The following ACSL4 variants were observed in gnomAD, a reference collection of about 807,000 sequenced individuals.
ACSL4 encodes acyl-CoA synthetase long chain family member 4, also known as long-chain-fatty-acid--CoA ligase 4.
A neutral mutation model predicts 49.1 loss-of-function variants in ACSL4; 9 were observed. The ratio of observed to expected loss-of-function variants is 0.18; its 90% confidence interval spans 0.11 to 0.32. ACSL4 has a LOEUF of 0.32. Among genes scored for constraint, ACSL4 ranks in the 10% least tolerant of loss-of-function variants. The probability of loss-of-function intolerance (pLI) is 1.00; values close to 1 mark genes in which losing one functional copy is unlikely to be tolerated. For missense variants in ACSL4, 333 were observed against 493.7 expected (o/e 0.67, Z 3.08); for synonymous variants, 191 against 170.3 (o/e 1.12, Z -0.95).
intron 15 of ACSL4, among the ~76,000 whole-genome samples, chrX:109,644,649 A>G (rs1416450117): frequency 4.5e-5 from 5 of 111,983 alleles, no homozygotes. Context: ...ATCCCTGACC[A>G]CTCATAACAA....
intron 8 of ACSL4, among the ~76,000 whole-genome samples, chrX:109,676,890 G>A (rs1041501056): frequency 2.7e-5 from 3 of 111,918 alleles, no homozygotes; most frequent in Non-Finnish European, 5.6e-5. Context: ...TATGGTAGCC[G>A]TTGGTCACAC....
intron 1 of ACSL4, among the ~76,000 whole-genome samples, chrX:109,722,371 CCA>C (rs759588040): frequency 1.9e-3 from 208 of 111,800 alleles, no homozygotes; most frequent in African/African-American, 6.4e-3. Context: ...GGTTATGTTG[CCA>C]CAGATACCTA....
chrX:109,685,004 G>A (rs763939616), intron 2 of ACSL4, among the ~76,000 whole-genome samples: 1 of 110,843 alleles, frequency 9.0e-6, no homozygotes, highest in African/African-American at 3.3e-5. Flanking sequence ...GTGGAAAGCT[G>A]GGGGCTGCTG....
intron 15 of ACSL4, among the ~76,000 whole-genome samples, chrX:109,645,022 C>T (rs774085979): frequency 9.7e-5 from 11 of 112,934 alleles, no homozygotes; most frequent in East Asian, 2.8e-4. Context: ...GAGGGTCCTA[C>T]GCCCACGGAG....
At chrX:109,705,009 A>T (rs1364622453) in intron 1 of ACSL4, among the ~76,000 whole-genome samples, 3 of 111,235 alleles carry the variant, frequency 2.7e-5, no homozygotes, top group Non-Finnish European at 3.8e-5. Flanking sequence ...GAAGTGATGG[A>T]TGGGTTTATG....
In ACSL4 at chrX:109,671,945, C is replaced by CCTCTGCCTA. The variant is rs773378690; in HGVS notation, c.1002+2456_1002+2457insTAGGCAGAG. On this transcript the variant is annotated intron_variant, in intron 9 of 15. Coordinates refer to ENST00000672401, the MANE Select transcript of ACSL4 (RefSeq NM_001318510.2). ...CCAGGGACACAAACACTGCGGAAGG[C>CCTCTGCCTA]GGCAGGGCCCTCTGCCTAGGAAAAC... Among the ~76,000 whole-genome samples, 43 of 109,445 alleles carry CCTCTGCCTA rather than the reference C, an allele frequency of 3.9e-4. 1 individual carries two copies. Among genetic ancestry groups the CCTCTGCCTA allele is most frequent in the Admixed American group, 3.7e-3 (38 of 10,325 alleles).
intron 3 of ACSL4, 30 bp downstream of exon 3, chrX:109,683,106 A>C (rs1326160694): frequency 1.7e-6 from 2 of 1,181,129 alleles, no homozygotes; most frequent in Non-Finnish European, 1.1e-6. Context: ...CCTCTTTAAA[A>C]CATAAATGAA....
intron 1 of ACSL4, among the ~76,000 whole-genome samples, chrX:109,719,043 G>A (rs1927347206): frequency 9.0e-6 from 1 of 110,902 alleles, no homozygotes; most frequent in African/African-American, 3.3e-5. Context: ...GAAGACAATT[G>A]GAAACAAGAT....
chrX:109,679,000 T>A (rs1923956607), intron 6 of ACSL4, among the ~76,000 whole-genome samples: 1 of 112,036 alleles, frequency 8.9e-6, no homozygotes, highest in Non-Finnish European at 1.9e-5. Context: ...TATAAACTTC[T>A]TAGGCCTCAG....
At chrX:109,681,746 T>C (rs1021675554) in intron 4 of ACSL4, among the ~76,000 whole-genome samples, 1 of 111,600 alleles carries the variant, frequency 9.0e-6, no homozygotes, top group Non-Finnish European at 1.9e-5. Flanking sequence ...TCATTGGCCA[T>C]AGCCTCCAAA....
At chrX:109,676,408 G>A (rs1477546164) in intron 8 of ACSL4, among the ~76,000 whole-genome samples, 3 of 111,701 alleles carry the variant, frequency 2.7e-5, no homozygotes, top group African/African-American at 9.8e-5. Context: ...CACTGAGGAC[G>A]TATCTTACCA....
chrX:109,682,962 C>A, intron 3 of ACSL4, 66 bp from the exon 4 acceptor site: 1 of 1,116,112 alleles, frequency 9.0e-7, no homozygotes, highest in Non-Finnish European at 1.2e-6. Context: ...CTATCCAAAG[C>A]ATAAAACTCT....
At chrX:109,710,534 C>G (rs60949898) in intron 1 of ACSL4, among the ~76,000 whole-genome samples, 54 of 111,984 alleles carry the variant, frequency 4.8e-4, no homozygotes, top group African/African-American at 1.8e-3. Context: ...TGACTTCAAA[C>G]TGAAGTCAAT....
At chrX:109,722,842 C>G (rs1371368969) in intron 1 of ACSL4, among the ~76,000 whole-genome samples, 1 of 110,870 alleles carries the variant, frequency 9.0e-6, no homozygotes, top group Non-Finnish European at 1.9e-5. Context: ...AATATAGTGT[C>G]GAGTTAAACA....
intron 8 of ACSL4, among the ~76,000 whole-genome samples, chrX:109,676,264 A>C (rs190189412): frequency 3.8e-4 from 42 of 111,526 alleles, no homozygotes; most frequent in African/African-American, 1.2e-3. Context: ...AAAAAAAAAA[A>C]ACACAAAGGT....
chrX:109,726,484 G>C (rs1047295532), intron 1 of ACSL4, among the ~76,000 whole-genome samples: 2 of 111,919 alleles, frequency 1.8e-5, no homozygotes, highest in Admixed American at 9.5e-5. Flanking sequence ...TACAGGTTTA[G>C]TAGTAAAAAA....
rs189693653 is a variant in ACSL4, at chrX:109,669,102, C to T, written c.1074G>A (p.Leu358=). 1 of 1,182,310 alleles carries T rather than the reference C, an allele frequency of 8.5e-7. No homozygotes were observed. Among genetic ancestry groups the T allele is most frequent in the Admixed American group, 2.2e-5 (1 of 45,829 alleles). Residue 358 remains leucine (L), a synonymous_variant, in exon 10 of 16, where the codon CTG becomes CTA. Coordinates refer to ENST00000672401, the MANE Select transcript of ACSL4 (RefSeq NM_001318510.2). ...ATTTGTAATCATACCCTATCTTGAA[C>T]AGAGTTTTCTGAATATAATTCATCT... ...VQEMNYIQKT[L]FKIGYDYKLE...
chrX:109,676,833 T>C (rs1923735499), intron 8 of ACSL4, among the ~76,000 whole-genome samples: 1 of 112,359 alleles, frequency 8.9e-6, no homozygotes, highest in Admixed American at 9.4e-5. Context: ...CCCCTACCAA[T>C]AGAACTTTCT....
At chrX:109,702,777 CA>C (rs1926069218) in intron 1 of ACSL4, among the ~76,000 whole-genome samples, 1 of 111,553 alleles carries the variant, frequency 9.0e-6, no homozygotes, top group South Asian at 3.7e-4. Flanking sequence ...CCAATGGCCA[CA>C]GCTGGTATTA....
Sources: gnomAD v4.1 joint callset for allele counts (sites outside exome capture counted in the v4.1 genomes callset) on GRCh38, gnomAD v4.1.1 for gene constraint, MANE v1.5 for transcripts, NCBI Gene and HGNC (gene_info 2026-07-23, HGNC 2026-07-21) for gene names.